Variants in PCDH15 observed in about 807,000 individuals in gnomAD.
PCDH15 encodes protocadherin related 15, also known as protocadherin-15.
In PCDH15, 129 loss-of-function variants were observed where a neutral mutation model predicts 178.5. The ratio of observed to expected loss-of-function variants is 0.72; its 90% CI spans 0.63 to 0.84. The LOEUF (loss-of-function observed/expected upper bound fraction) is 0.84. PCDH15 is among the 40% of genes least tolerant of loss of function. The probability of loss-of-function intolerance (pLI) is 0.00; values close to 1 mark genes in which losing one functional copy is unlikely to be tolerated. For missense variants in PCDH15, 2,230 were observed against 2,099.9 expected (o/e 1.06, Z -1.21); for synonymous variants, 800 against 732.0 (o/e 1.09, Z -1.50).
intron 2 of PCDH15, among the ~76,000 whole-genome samples, chr10:55,054,940 C>T (rs1016661477): frequency 6.6e-6 from 1 of 152,150 alleles, no homozygotes; most frequent in Non-Finnish European, 1.5e-5. Flanking sequence ...GCATAGTTTG[C>T]AAAGCTTTTC....
chr10:55,143,595 C>A (rs1047779364), intron 2 of PCDH15, among the ~76,000 whole-genome samples: 1 of 151,790 alleles, frequency 6.6e-6, no homozygotes, highest in Non-Finnish European at 1.5e-5. Context: ...AAATAAATTG[C>A]TGAAGAGATA....
chr10:54,338,881 C>A (rs774725162), intron 6 of PCDH15, among the ~76,000 whole-genome samples: 54 of 137,418 alleles, frequency 3.9e-4, no homozygotes, highest in Non-Finnish European at 6.6e-4. Context: ...AAAAAAAGAT[C>A]AAAAAGACAT....
intron 2 of PCDH15, among the ~76,000 whole-genome samples, chr10:54,627,009 G>A (rs1590661435): frequency 6.6e-6 from 1 of 152,262 alleles, no homozygotes; most frequent in South Asian, 2.1e-4. Context: ...ACTGCCCCCT[G>A]GATTTCCAAC....
At chr10:54,485,736 C>T (rs542875481) in intron 3 of PCDH15, among the ~76,000 whole-genome samples, 137 of 152,072 alleles carry the variant, frequency 9.0e-4, no homozygotes, top group African/African-American at 3.2e-3. Flanking sequence ...TTTCAAAAGT[C>T]TAGCCTTCAG....
intron 21 of PCDH15, among the ~76,000 whole-genome samples, chr10:53,984,437 A>G (rs2090956491): frequency 6.6e-6 from 1 of 152,050 alleles, no homozygotes; most frequent in African/African-American, 2.4e-5. Flanking sequence ...GGCGTGAGCC[A>G]CCGTGCCTGG....
rs1565232661 is a variant in PCDH15 at position 54,421,948 on chromosome 10, A to AAATAT, written c.158-43007_158-43006insATATT. ...TATACACTATATATATATATATAAAAATATATATATATATATTTAGGGAGG... is the reference window on the plus strand; with the variant it reads ...TATACACTATATATATATATATAAAAAATATATATATATATATATATTTAGGGAGG... On this transcript the variant is annotated intron_variant, in intron 3 of 37. Transcript: ENST00000644397. Among the ~76,000 whole-genome samples the AAATAT allele has an allele frequency of 1.6e-4, 14 of 89,906 alleles. 2 individuals carry two copies. The highest frequency in any genetic ancestry group is 1.4e-3 in the South Asian group (4 of 2,848). 59.0% of individuals were successfully genotyped at this position (89,906 alleles called of 152,430 possible). A position where few individuals can be genotyped will look rare whatever the true frequency, so the allele number is the denominator to read the frequency against.
At chr10:54,704,832 C>T (rs893040126) in intron 1 of PCDH15, among the ~76,000 whole-genome samples, 3 of 152,072 alleles carry the variant, frequency 2.0e-5, no homozygotes, top group African/African-American at 7.2e-5. Context: ...TGAGCACATT[C>T]CCAAAGAAAT....
At chr10:54,556,401 T>C (rs2087270771) in intron 2 of PCDH15, among the ~76,000 whole-genome samples, 1 of 152,178 alleles carries the variant, frequency 6.6e-6, no homozygotes. Flanking sequence ...TTATCCAACA[T>C]GCAGACAATT....
intron 3 of PCDH15, among the ~76,000 whole-genome samples, chr10:54,385,526 C>T (rs1300071165): frequency 6.6e-6 from 1 of 152,184 alleles, no homozygotes; most frequent in East Asian, 1.9e-4. Flanking sequence ...TTTTCTATGG[C>T]AGTGCCTATC....
intron 1 of PCDH15, among the ~76,000 whole-genome samples, chr10:55,253,409 C>T (rs922641904): frequency 1.3e-5 from 2 of 152,070 alleles, no homozygotes; most frequent in African/African-American, 2.4e-5. Context: ...GATTCCTATG[C>T]TTTCTAAAAT....
intron 28 of PCDH15, among the ~76,000 whole-genome samples, chr10:53,848,021 G>T (rs1391684871): frequency 6.6e-6 from 1 of 151,954 alleles, no homozygotes; most frequent in African/African-American, 2.4e-5. Context: ...TAAACATTTT[G>T]TGGAGTTTAT....
At chr10:54,485,132 A>G (rs2079009685) in intron 3 of PCDH15, among the ~76,000 whole-genome samples, 1 of 151,716 alleles carries the variant, frequency 6.6e-6, no homozygotes, top group Non-Finnish European at 1.5e-5. Context: ...TCCTCTCATA[A>G]ATTTTGTTCA....
chr10:53,827,774 G>T (rs1425846900), intron 31 of PCDH15, among the ~76,000 whole-genome samples: 1 of 151,984 alleles, frequency 6.6e-6, no homozygotes, highest in Non-Finnish European at 1.5e-5. Flanking sequence ...TGAATAAGGG[G>T]TAGAATTCAG....
chr10:54,257,294 C>A (rs974908768), intron 8 of PCDH15, among the ~76,000 whole-genome samples: 2 of 151,904 alleles, frequency 1.3e-5, no homozygotes, highest in African/African-American at 4.8e-5. Context: ...ATGAGGGAAT[C>A]TGAGGAATAC....
chr10:54,844,962 C>A (rs1953480161), intron 3 of PCDH15, among the ~76,000 whole-genome samples: 1 of 151,832 alleles, frequency 6.6e-6, no homozygotes, highest in African/African-American at 2.4e-5. Context: ...TTTAAAATTA[C>A]CACTACTTTC....
chr10:55,167,186 T>A (rs1367119654), intron 1 of PCDH15, among the ~76,000 whole-genome samples: 4 of 152,252 alleles, frequency 2.6e-5, no homozygotes, highest in Admixed American at 2.6e-4. Context: ...CAATCACAGC[T>A]CACTGCAGCC....
intron 6 of PCDH15, among the ~76,000 whole-genome samples, chr10:54,333,316 G>T (rs1940268621): frequency 6.6e-6 from 1 of 151,978 alleles, no homozygotes; most frequent in Admixed American, 6.6e-5. Flanking sequence ...CATCAATGGT[G>T]CTTCTGAAAT....
rs2055402935 is a variant in PCDH15 at position 54,242,133 on chromosome 10, TATATATATATA to T, written c.877-5213_877-5203del. 4.5e-3 allele frequency among the ~76,000 whole-genome samples: 14 copies of T among 3,092 alleles called. No homozygotes were observed. In the Admixed American group the frequency reaches 0.05, roughly 11 times the overall value. The allele number at this position is 3,092 out of a possible 152,430, so 2.0% of individuals were successfully genotyped here. ...ACTTTTGGTCTGAATTCTATTTTTA[TATATATATATA>T]TATATATATATATATATATATATAT... is the stretch of plus-strand genomic sequence containing the variant. On this transcript the variant is annotated intron_variant, in intron 8 of 37. Transcript: ENST00000644397.
At chr10:54,601,869 A>G (rs1272700095) in intron 2 of PCDH15, among the ~76,000 whole-genome samples, 2 of 152,024 alleles carry the variant, frequency 1.3e-5, no homozygotes, top group African/African-American at 4.8e-5. Context: ...AAACTAATAC[A>G]GGGACAGAAA....
Sources: allele counts gnomAD v4.1 joint callset (sites outside exome capture counted in the v4.1 genomes callset), GRCh38; gene constraint gnomAD v4.1.1; transcripts MANE v1.5; gene names NCBI Gene and HGNC (gene_info 2026-07-23, HGNC 2026-07-21).